RNLS: variants seen among roughly 807,000 people sequenced by gnomAD.
RNLS encodes the protein renalase, FAD dependent amine oxidase.
RNLS carries 39 observed loss-of-function variants against 39.8 expected under a neutral mutation model. The ratio of observed to expected loss-of-function variants is 0.98; its 90% CI spans 0.76 to 1.28. The LOEUF is 1.28. Ranked by LOEUF, RNLS falls within the 50% of genes most tolerant of loss-of-function variation. RNLS has a pLI of 0.00. For synonymous variants in RNLS, 147 were observed against 150.7 expected, an observed-to-expected ratio of 0.98 and a Z score of 0.18; for missense variants, 410 against 413.3, an observed-to-expected ratio of 0.99 and a Z score of 0.07.
intron 4 of RNLS, among the ~76,000 whole-genome samples, chr10:88,480,443 C>A (rs138921009): frequency 5.3e-5 from 8 of 152,102 alleles, no homozygotes; most frequent in Admixed American, 5.2e-4. Flanking sequence ...TTTTTTGAGA[C>A]GGAGTCTCAC....
chr10:88,343,423 AT>A (rs1248542724), intron 5 of RNLS: 2 of 596,790 alleles, frequency 3.4e-6, no homozygotes, highest in Admixed American at 6.3e-5. Context: ...ATTTTCAAAA[AT>A]GGGAAAGATG....
chr10:88,328,536 GTCT>G (rs1846821578), intron 5 of RNLS, among the ~76,000 whole-genome samples: 1 of 152,046 alleles, frequency 6.6e-6, no homozygotes, highest in African/African-American at 2.4e-5. Flanking sequence ...ATTCAAAAAA[GTCT>G]TCTTTTTGAT....
At chr10:88,200,008 T>G in the RNLS span, among the ~76,000 whole-genome samples, 5 of 152,092 alleles carry the variant, frequency 3.3e-5, no homozygotes, top group Non-Finnish European at 7.4e-5. Context: ...ATATGGCTGT[T>G]GTCCCAGCTA....
intron 6 of RNLS, among the ~76,000 whole-genome samples, chr10:88,277,039 T>G (rs1842835655): frequency 6.6e-6 from 1 of 152,154 alleles, no homozygotes; most frequent in Non-Finnish European, 1.5e-5. Flanking sequence ...ATGTTTACTG[T>G]GGCACTATTC....
chr10:88,282,180 T>C (rs987824461), downstream of RNLS, among the ~76,000 whole-genome samples: 1 of 152,142 alleles, frequency 6.6e-6, no homozygotes, highest in Admixed American at 6.6e-5. Flanking sequence ...CCTGTATATA[T>C]CACATCAGGA....
At chr10:88,543,003 CA>C (rs1848127287) in intron 4 of RNLS, among the ~76,000 whole-genome samples, 1 of 152,256 alleles carries the variant, frequency 6.6e-6, no homozygotes, top group Non-Finnish European at 1.5e-5. Flanking sequence ...GTTGGTAACA[CA>C]GACAACTCCA....
At chr10:88,551,962 G>A (rs1050284212) in intron 4 of RNLS, among the ~76,000 whole-genome samples, 2 of 152,168 alleles carry the variant, frequency 1.3e-5, no homozygotes, top group Admixed American at 6.5e-5. Context: ...GAATGAAAAC[G>A]AACTAAAGTT....
intron 4 of RNLS, among the ~76,000 whole-genome samples, chr10:88,487,485 ACAT>A (rs1469251527): frequency 6.6e-6 from 1 of 152,210 alleles, no homozygotes; most frequent in African/African-American, 2.4e-5. Flanking sequence ...ATAATGTTCT[ACAT>A]CATCAGTTAT....
intron 4 of RNLS, among the ~76,000 whole-genome samples, chr10:88,457,288 T>A (rs1842683866): frequency 6.6e-6 from 1 of 152,208 alleles, no homozygotes; most frequent in Non-Finnish European, 1.5e-5. Context: ...ATGGTTGTTT[T>A]TGTAAAGAGT....
At chr10:88,557,322 T>C (rs1848929198) in intron 4 of RNLS, among the ~76,000 whole-genome samples, 1 of 152,178 alleles carries the variant, frequency 6.6e-6, no homozygotes, top group Non-Finnish European at 1.5e-5. Flanking sequence ...CAGAGACTTC[T>C]AGACTAGTAA....
chr10:88,253,545 G>A, the RNLS span, among the ~76,000 whole-genome samples: 2 of 152,184 alleles, frequency 1.3e-5, no homozygotes. Flanking sequence ...GCCTTTGGAA[G>A]GTGGCACTGG....
At chr10:88,582,959 G>T in intron 1 of RNLS, 114 bp downstream of exon 1, 1 of 1,232,532 alleles carries the variant, frequency 8.1e-7, no homozygotes, top group Non-Finnish European at 1.1e-6. Context: ...GGCCGCTCAG[G>T]GAGCTGAGGG....
At chr10:88,267,887 A>T in the RNLS span, among the ~76,000 whole-genome samples, 1 of 152,192 alleles carries the variant, frequency 6.6e-6, no homozygotes, top group Non-Finnish European at 1.5e-5. Context: ...AGAGCCTGCC[A>T]TGGCTGTGCT....
chr10:88,214,278 G>A, the RNLS span, among the ~76,000 whole-genome samples: 1 of 152,140 alleles, frequency 6.6e-6, no homozygotes, highest in Non-Finnish European at 1.5e-5. Context: ...TCAGGGCAGG[G>A]AAGTCAGGCA....
chr10:88,572,979 G>C lies in RNLS; in HGVS notation c.450C>G (p.Ser150=). The C allele has an allele frequency of 1.2e-6, 2 of 1,614,010 alleles. No homozygotes were observed. The highest frequency in any genetic ancestry group is 1.7e-6 in the Non-Finnish European group (2 of 1,179,916). The stretch of plus-strand genomic sequence containing the variant: ...GAACAATAAGATCAAACTGCTCAGG[G>C]GAGCCTGTTTGTTTGGATACTTCCC... ...DKWEVSKQTG[S]PEQFDLIVLT... Residue 150 remains serine, a synonymous_variant, in exon 4 of 7, where the codon TCC becomes TCG. Transcript: ENST00000331772.
At chr10:88,330,843 C>T (rs899673501) in intron 5 of RNLS, among the ~76,000 whole-genome samples, 2 of 151,876 alleles carry the variant, frequency 1.3e-5, no homozygotes, top group African/African-American at 4.8e-5. Context: ...TGAGTAGAGA[C>T]TTGCTTTGTC....
the RNLS span, among the ~76,000 whole-genome samples, chr10:88,244,222 A>G: frequency 6.6e-6 from 1 of 152,174 alleles, no homozygotes. Flanking sequence ...AGTGACACAC[A>G]CCAGATATGA....
chr10:88,315,716 G>GGTTTTTCA (rs1845708278), intron 5 of RNLS, among the ~76,000 whole-genome samples: 1 of 146,766 alleles, frequency 6.8e-6, no homozygotes, highest in Non-Finnish European at 1.5e-5. Context: ...CTATGTGCCC[G>GGTTTTTCA]CTTAACCTCT....
At chr10:88,225,733 A>AATAATG in the RNLS span, among the ~76,000 whole-genome samples, 1 of 152,202 alleles carries the variant, frequency 6.6e-6, no homozygotes, top group African/African-American at 2.4e-5. Flanking sequence ...TAATAATAAT[A>AATAATG]AAATAAAACA....
Sources: gnomAD v4.1 joint callset for allele counts (sites outside exome capture counted in the v4.1 genomes callset) on GRCh38, gnomAD v4.1.1 for gene constraint, MANE v1.5 for transcripts, NCBI Gene and HGNC (gene_info 2026-07-23, HGNC 2026-07-21) for gene names.